The following CDH1 variants were observed in gnomAD, a reference collection of about 807,000 sequenced individuals.
CDH1 encodes the protein cadherin 1.
A neutral mutation model predicts 84.5 loss-of-function variants in CDH1; 35 were observed. The ratio of observed to expected loss-of-function variants is 0.41; its 90% CI spans 0.32 to 0.55. The LOEUF (loss-of-function observed/expected upper bound fraction) is 0.55, where lower values mean the gene tolerates loss of function less well. Ranked by LOEUF, CDH1 falls within the 20% of genes least tolerant of loss-of-function variation. The pLI, the probability that CDH1 is intolerant of heterozygous loss-of-function variation, is 0.19. For synonymous variants in CDH1, 417 were observed against 439.0 expected (o/e 0.95, Z 0.63); for missense variants, 994 against 1,126.6 (o/e 0.88, Z 1.68).
intron 2 of CDH1, among the ~76,000 whole-genome samples, chr16:68,748,335 A>G (rs560207377): frequency 1.4e-5 from 2 of 143,146 alleles, no homozygotes; most frequent in African/African-American, 5.2e-5. Flanking sequence ...TGATCTCCCA[A>G]CCTCAGGTGA....
At chr16:68,789,925 G>T (rs1007758219) in intron 2 of CDH1, among the ~76,000 whole-genome samples, 1 of 152,042 alleles carries the variant, frequency 6.6e-6, no homozygotes, top group Non-Finnish European at 1.5e-5. Flanking sequence ...GCATGGTGGC[G>T]CATGCCTGTA....
chr16:68,816,539 G>T (rs1030366393), intron 10 of CDH1, among the ~76,000 whole-genome samples: 3 of 152,162 alleles, frequency 2.0e-5, no homozygotes, highest in African/African-American at 7.2e-5. Flanking sequence ...TTGAGGCCAG[G>T]TGTTGAAGAC....
chr16:68,823,366 G>C (rs1261889991), intron 12 of CDH1, 33 bp from the exon 13 acceptor site: 1 of 1,442,400 alleles, frequency 6.9e-7, no homozygotes, highest in Non-Finnish European at 9.8e-7. Flanking sequence ...TTCCTCCCCT[G>C]GTCTCATCAT....
At chr16:68,759,047 AGCCCTCTCAAAGTGTTGGGATT>A (rs1963091945) in intron 2 of CDH1, among the ~76,000 whole-genome samples, 1 of 152,104 alleles carries the variant, frequency 6.6e-6, no homozygotes, top group African/African-American at 2.4e-5. Flanking sequence ...CTGCCCCTCT[AGCCCTCTCAAAGTGTTGGGATT>A]ACAGGTGTGA....
chr16:68,832,287 G>GTT (rs201230978), intron 15 of CDH1, among the ~76,000 whole-genome samples: 1 of 144,432 alleles, frequency 6.9e-6, no homozygotes, highest in Non-Finnish European at 1.5e-5. Flanking sequence ...AAACCTAAAA[G>GTT]TTTTTTTTTT....
intron 2 of CDH1, among the ~76,000 whole-genome samples, chr16:68,788,603 GCT>G (rs1387980161): frequency 6.6e-6 from 1 of 152,112 alleles, no homozygotes; most frequent in African/African-American, 2.4e-5. Flanking sequence ...CCTTTTTATT[GCT>G]GAGTAGCTAT....
chr16:68,755,282 C>CAAAAAAAAAAAAAAAAAAA (rs1188775959), intron 2 of CDH1, among the ~76,000 whole-genome samples: 2 of 96,054 alleles, frequency 2.1e-5, no homozygotes, highest in African/African-American at 3.8e-5. Context: ...GACTCTGTCT[C>CAAAAAAAAAAAAAAAAAAA]AAAAAAAAAA....
chr16:68,824,826 C>T lies in CDH1; in HGVS notation c.2164+1200C>T, dbSNP rs566388299. 5.3e-5 allele frequency among the ~76,000 whole-genome samples: 8 copies of T among 152,042 alleles called. No individual in the cohort carries two copies. In the East Asian group the frequency reaches 5.8e-4, roughly 11 times the overall value. ...TGAATCTATTAAAGGAATAAATTAGCGATGAAAACAGACTATGTGCATCAA... is the reference window on the plus strand; with the variant it reads ...TGAATCTATTAAAGGAATAAATTAGTGATGAAAACAGACTATGTGCATCAA... On this transcript the variant is annotated intron_variant, in intron 13 of 15. Coordinates refer to ENST00000261769, the MANE Select transcript of CDH1 (RefSeq NM_004360.5).
intron 2 of CDH1, among the ~76,000 whole-genome samples, chr16:68,782,975 A>G (rs1354864247): frequency 1.3e-5 from 2 of 152,164 alleles, no homozygotes; most frequent in Admixed American, 6.5e-5. Flanking sequence ...ATAGTCTCCC[A>G]TATCCTAAGT....
In CDH1 at chr16:68,786,180, T is replaced by A. The variant is rs546171389; in HGVS notation, c.164-15490T>A. Among the ~76,000 whole-genome samples, 8 of 152,214 alleles carry A rather than the reference T, an allele frequency of 5.3e-5. No homozygotes were observed. The South Asian group carries it at 8.3e-4, about 16-fold the overall frequency. ...TTTTGCCTACTTGGAATTCTTTTTT[T>A]TTCAAATTTGAGACAGAGTCTTGCT... On this transcript the variant is annotated intron_variant, in intron 2 of 15. Coordinates refer to ENST00000261769, the MANE Select transcript of CDH1 (RefSeq NM_004360.5).
At chr16:68,787,938 G>A (rs969832643) in intron 2 of CDH1, among the ~76,000 whole-genome samples, 7 of 149,740 alleles carry the variant, frequency 4.7e-5, no homozygotes, top group Non-Finnish European at 8.9e-5. Context: ...CAATTCTCCT[G>A]CCTCAGCCTC....
intron 14 of CDH1, 144 bp from the exon 15 acceptor site, chr16:68,829,510 T>A (rs1961418991): frequency 2.3e-6 from 2 of 860,272 alleles, no homozygotes; most frequent in Admixed American, 2.1e-5. Flanking sequence ...GCTTGAAAAC[T>A]GTCATTTTGC....
chr16:68,794,117 C>T (rs980214768), intron 2 of CDH1, among the ~76,000 whole-genome samples: 1 of 152,088 alleles, frequency 6.6e-6, no homozygotes, highest in Admixed American at 6.6e-5. Context: ...ACCGCAGCCT[C>T]GACCTCCTGG....
intron 11 of CDH1, among the ~76,000 whole-genome samples, chr16:68,820,571 TG>T (rs1164948598): frequency 6.6e-6 from 1 of 152,132 alleles, no homozygotes; most frequent in Non-Finnish European, 1.5e-5. Flanking sequence ...AAGCTGGTCT[TG>T]AACTCCTGAC....
Position 68,829,792 on chromosome 16 carries a change from G to A in CDH1, c.2434G>A (p.Asp812Asn), listed in dbSNP as rs2152142477. 2 of 1,613,870 alleles carry A rather than the reference G, an allele frequency of 1.2e-6. No homozygotes were observed. Among genetic ancestry groups the A allele is most frequent in the Non-Finnish European group, 1.7e-6 (2 of 1,179,982 alleles). The change falls in exon 15 of 16, where the codon GAT becomes AAT. Residue 812 changes from aspartate (D) to asparagine (N), a missense_variant. Physicochemically the swap from Asp to Asn is conservative, Grantham distance 23. This residue lies in a region of CDH1 where 769 missense variants were observed against 881.8 expected (regional missense o/e 0.87). Coordinates refer to ENST00000261769, the MANE Select transcript of CDH1 (RefSeq NM_004360.5). ...TCCCGATGAAATTGGAAATTTTATT[G>A]ATGAAGTAAGTAATCCACGTGGAAA... Reference protein sequence around the residue: ...ANPDEIGNFIDENLKAADTDP... With the variant: ...ANPDEIGNFINENLKAADTDP...
intron 11 of CDH1, 45 bp from the exon 12 acceptor site, chr16:68,821,956 A>T: frequency 6.7e-7 from 1 of 1,485,662 alleles, no homozygotes; most frequent in Non-Finnish European, 9.4e-7. Context: ...ATGGGGATTC[A>T]TTACTGTTGC....
intron 2 of CDH1, among the ~76,000 whole-genome samples, chr16:68,761,471 C>T (rs9941051): frequency 0.87 from 131,987 of 152,276 alleles, 57,367 homozygotes; most frequent in Non-Finnish European, 0.89. Context: ...GGCTGTTATG[C>T]GCCAAGCACT....
rs1473643691 is a variant in CDH1, at chr16:68,819,281, T to C, written c.1567T>C (p.Tyr523His). ...PDTFMEQKIT[Y>H]RIWRDTANWL... ...AAGCCAGAGCTTGTCCCCGTTCAGA[T>C]ATCGGATTTGGAGAGACACTGCCAA... The change falls in exon 11 of 16, where the codon TAT becomes CAT. Residue 523 changes from tyrosine (Y) to histidine (H), a missense_variant and splice_region_variant. Coordinates refer to ENST00000261769, the MANE Select transcript of CDH1 (RefSeq NM_004360.5). 1 of 1,614,254 alleles carries C rather than the reference T, an allele frequency of 6.2e-7. No homozygotes were observed. Among genetic ancestry groups the C allele is most frequent in the Admixed American group, 1.7e-5 (1 of 60,032 alleles).
intron 2 of CDH1, among the ~76,000 whole-genome samples, chr16:68,800,032 T>TA (rs1201948339): frequency 4.7e-5 from 6 of 126,360 alleles, no homozygotes; most frequent in Non-Finnish European, 8.5e-5. Context: ...GTAATAATAA[T>TA]TAAAAAAAAA....
Sources: allele counts gnomAD v4.1 joint callset (sites outside exome capture counted in the v4.1 genomes callset), GRCh38; gene constraint gnomAD v4.1.1; regional missense constraint gnomAD v4.1.1; transcripts MANE v1.5; gene names NCBI Gene and HGNC (gene_info 2026-07-23, HGNC 2026-07-21).